Variants in EYS observed in about 807,000 individuals in gnomAD.
The protein encoded by EYS is EGF-like photoreceptor maintenance factor.
A neutral mutation model predicts 282.1 loss-of-function variants in EYS; 250 were observed. The observed-to-expected ratio is 0.89, with a 90% CI of 0.80 to 0.98. The LOEUF (loss-of-function observed/expected upper bound fraction) is 0.98. Among genes scored for constraint, EYS ranks in the 50% least tolerant of loss-of-function variants. EYS has a pLI of 0.00. For missense variants in EYS, 4,016 were observed against 3,709.0 expected (o/e 1.08, Z -2.15); for synonymous variants, 1,355 against 1,282.9 (o/e 1.06, Z -1.20).
At chr6:64,392,926 T>TA (rs1180632617) in intron 28 of EYS, among the ~76,000 whole-genome samples, 1 of 151,670 alleles carries the variant, frequency 6.6e-6, no homozygotes, top group East Asian at 1.9e-4. Flanking sequence ...ATAGACGCAA[T>TA]AAAAAATGAT....
chr6:63,784,175 A>G (rs1770307444), intron 39 of EYS, among the ~76,000 whole-genome samples: 1 of 152,092 alleles, frequency 6.6e-6, no homozygotes, highest in African/African-American at 2.4e-5. Context: ...GGAGCTACAC[A>G]TCAATTATCC....
intron 12 of EYS, among the ~76,000 whole-genome samples, chr6:65,129,752 T>C (rs1775817381): frequency 6.6e-6 from 1 of 151,864 alleles, no homozygotes. Flanking sequence ...AGTTTGAAGA[T>C]TCCTCAAAGA....
At chr6:65,566,316 A>G (rs1769278774) in intron 2 of EYS, among the ~76,000 whole-genome samples, 1 of 152,010 alleles carries the variant, frequency 6.6e-6, no homozygotes, top group African/African-American at 2.4e-5. Context: ...CTCCTCCAGT[A>G]TACTGGCAAG....
intron 5 of EYS, among the ~76,000 whole-genome samples, chr6:65,483,575 T>C (rs554191759): frequency 2.6e-5 from 4 of 152,244 alleles, no homozygotes; most frequent in Non-Finnish European, 4.4e-5. Context: ...AAATAATATA[T>C]ATTAATATGC....
At chr6:64,561,919 C>CAAAAAA (rs57111776) in intron 26 of EYS, among the ~76,000 whole-genome samples, 15 of 87,168 alleles carry the variant, frequency 1.7e-4, no homozygotes, top group African/African-American at 5.6e-4. Flanking sequence ...CACATGGAAC[C>CAAAAAA]AAAAAAAAAA....
intron 26 of EYS, among the ~76,000 whole-genome samples, chr6:64,547,266 T>C (rs556679829): frequency 6.6e-6 from 1 of 152,230 alleles, no homozygotes; most frequent in African/African-American, 2.4e-5. Context: ...AGACTGCTTT[T>C]ATTCTCTTAT....
chr6:64,806,526 TA>T (rs1764433091), intron 22 of EYS, among the ~76,000 whole-genome samples: 1 of 152,114 alleles, frequency 6.6e-6, no homozygotes, highest in African/African-American at 2.4e-5. Flanking sequence ...GCAATCTTTT[TA>T]AAAAGAAACT....
intron 2 of EYS, among the ~76,000 whole-genome samples, chr6:65,557,696 C>A (rs1043567684): frequency 6.6e-6 from 1 of 152,094 alleles, no homozygotes; most frequent in African/African-American, 2.4e-5. Context: ...CCTTTCACTC[C>A]CGAGGTTTGG....
In EYS at chr6:64,686,828, TATATATATAC is replaced by T. The variant is rs1255199081; in HGVS notation, c.3444-60593_3444-60584del. Reference sequence around the variant, plus strand: ...ATGTGTGTATATATATATGTGTATATATATATATACGTGTATATATATATATGTGTATATA... The same window carrying T: ...ATGTGTGTATATATATATGTGTATATGTGTATATATATATATGTGTATATA... On this transcript the variant is annotated intron_variant, in intron 22 of 42. Transcript: ENST00000503581. Among the ~76,000 whole-genome samples the T allele has an allele frequency of 2.3e-4, 8 of 35,142 alleles. 2 individuals carry two copies. The highest frequency in any genetic ancestry group is 6.9e-4 in the African/African-American group (8 of 11,678). 23.1% of individuals were successfully genotyped at this position (35,142 alleles called of 152,430 possible).
chr6:64,195,999 C>G, intron 31 of EYS, among the ~76,000 whole-genome samples: 1 of 152,096 alleles, frequency 6.6e-6, no homozygotes, highest in South Asian at 2.1e-4. Context: ...ACTCATCTGA[C>G]AAAGGGCTAA....
intron 12 of EYS, among the ~76,000 whole-genome samples, chr6:65,064,858 G>A (rs900997561): frequency 2.0e-5 from 3 of 152,042 alleles, no homozygotes; most frequent in Non-Finnish European, 4.4e-5. Flanking sequence ...GCAAACCTTG[G>A]ACTGAAAGCT....
rs35493279 is a variant in EYS, at chr6:64,298,351, T to TG, written c.6191+8618dup. Among the ~76,000 whole-genome samples, 357 of 151,762 alleles carry TG rather than the reference T, an allele frequency of 2.4e-3. 1 individual carries two copies. Among genetic ancestry groups the TG allele is most frequent in the African/African-American group, 8.1e-3 (337 of 41,352 alleles). On this transcript the variant is annotated intron_variant, in intron 30 of 42. Transcript: ENST00000503581. Reference sequence around the variant, plus strand: ...CTAATGCATTTCAAAAATTACTAGTTGGGGGGGGCACACAATGTATAAAGA... The same window carrying TG: ...CTAATGCATTTCAAAAATTACTAGTTGGGGGGGGGCACACAATGTATAAAGA...
At chr6:64,985,065 T>C (rs1171441558) in intron 14 of EYS, among the ~76,000 whole-genome samples, 4 of 151,624 alleles carry the variant, frequency 2.6e-5, no homozygotes, top group African/African-American at 9.6e-5. Flanking sequence ...TTAGCTCCTG[T>C]TTTATGAATA....
intron 30 of EYS, among the ~76,000 whole-genome samples, chr6:64,281,435 A>C (rs1768306459): frequency 6.6e-6 from 1 of 152,148 alleles, no homozygotes; most frequent in African/African-American, 2.4e-5. Flanking sequence ...CATTTAAACT[A>C]TTATATGTGG....
intron 31 of EYS, among the ~76,000 whole-genome samples, chr6:64,153,088 A>G (rs1270395456): frequency 1.3e-5 from 2 of 152,138 alleles, no homozygotes; most frequent in African/African-American, 4.8e-5. Context: ...CCAGGTACCA[A>G]TCTAACAACT....
chr6:64,909,462 C>T (rs1767927371), intron 16 of EYS, among the ~76,000 whole-genome samples: 1 of 152,086 alleles, frequency 6.6e-6, no homozygotes, highest in Non-Finnish European at 1.5e-5. Context: ...TTTATTAAAG[C>T]TAATTTCTTA....
chr6:64,465,284 A>T (rs1277364291), intron 26 of EYS, among the ~76,000 whole-genome samples: 1 of 152,154 alleles, frequency 6.6e-6, no homozygotes, highest in Non-Finnish European at 1.5e-5. Flanking sequence ...TGGAGCCACA[A>T]GAAAAATCCT....
chr6:65,333,484 A>G (rs61156847), intron 11 of EYS, among the ~76,000 whole-genome samples: 3,430 of 151,700 alleles, frequency 0.023, 121 homozygotes, highest in African/African-American at 0.077. Flanking sequence ...AGAGTGTGCC[A>G]TGTACATTTA....
intron 18 of EYS, among the ~76,000 whole-genome samples, chr6:64,888,438 A>AACAAC (rs1767168277): frequency 6.6e-6 from 1 of 152,024 alleles, no homozygotes; most frequent in African/African-American, 2.4e-5. Flanking sequence ...AACACAACAA[A>AACAAC]ACAACACATA....
Sources: gnomAD v4.1 joint callset for allele counts (sites outside exome capture counted in the v4.1 genomes callset) on GRCh38, gnomAD v4.1.1 for gene constraint, MANE v1.5 for transcripts, NCBI Gene and HGNC (gene_info 2026-07-23, HGNC 2026-07-21) for gene names.